GFPT1: variants seen among roughly 807,000 people sequenced by gnomAD.
GFPT1 encodes glutamine--fructose-6-phosphate transaminase 1.
A neutral mutation model predicts 92.0 loss-of-function variants in GFPT1; 40 were observed. The ratio of observed to expected loss-of-function variants is 0.43; its 90% CI spans 0.34 to 0.57. GFPT1 has a LOEUF of 0.57. GFPT1 is among the 20% of genes least tolerant of loss of function. The pLI, the probability that GFPT1 is intolerant of heterozygous loss-of-function variation, is 0.02. For missense variants in GFPT1, 448 were observed against 869.1 expected, an observed-to-expected ratio of 0.52 and a Z score of 6.09; for synonymous variants, 269 against 280.6, an observed-to-expected ratio of 0.96 and a Z score of 0.41.
chr2:69,330,420 A>G (rs1218334872), intron 15 of GFPT1, among the ~76,000 whole-genome samples: 1 of 152,160 alleles, frequency 6.6e-6, no homozygotes, highest in African/African-American at 2.4e-5. Flanking sequence ...GCCTAACCAC[A>G]TTTAGTTTTT....
At chr2:69,354,366 A>T in intron 8 of GFPT1, 54 bp from the exon 9 acceptor site, 1 of 1,447,738 alleles carries the variant, frequency 6.9e-7, no homozygotes, top group Non-Finnish European at 9.6e-7. Context: ...CACAAAAACA[A>T]ATCTTTTTCA....
chr2:69,386,988 C>G (rs1458518454), intron 1 of GFPT1, 77 bp downstream of exon 1: 2 of 1,141,416 alleles, frequency 1.8e-6, no homozygotes, highest in South Asian at 1.3e-5. Context: ...TTCCGCCCGT[C>G]GCCTTGGGCC....
rs1020932674 is a variant in GFPT1 at position 69,324,351 on chromosome 2, C to G, written c.*1838G>C. On this transcript the variant is annotated 3_prime_UTR_variant, in exon 20 of 20. Coordinates refer to ENST00000357308, the MANE Select transcript of GFPT1 (RefSeq NM_001244710.2). ...CTATAAGAAATGCTACAAACCCACACAAATTGTGTTTGTAAAACGTTAATA... is the reference window on the plus strand; with the variant it reads ...CTATAAGAAATGCTACAAACCCACAGAAATTGTGTTTGTAAAACGTTAATA... 40 of 152,074 alleles carry G rather than the reference C, an allele frequency of 2.6e-4. No homozygotes were observed. Among genetic ancestry groups the G allele is most frequent in the Non-Finnish European group, 4.4e-5 (3 of 68,024 alleles). 9.4% of individuals were successfully genotyped at this position (152,074 alleles called of 1,614,324 possible).
Position 69,323,912 on chromosome 2 carries a change from G to C in GFPT1, c.*2277C>G, listed in dbSNP as rs1218081014. The C allele has an allele frequency of 6.6e-6, 1 of 152,284 alleles. No homozygotes were observed. The highest frequency in any genetic ancestry group is 1.5e-5 in the Non-Finnish European group (1 of 68,242). The allele number at this position is 152,284 out of a possible 1,614,324, so 9.4% of individuals were successfully genotyped here. A position where few individuals can be genotyped will look rare whatever the true frequency, so the allele number is the denominator to read the frequency against. ...GATGGTCTCGATCTCTTGACCTCAT[G>C]ATCAACCTGCCTCGGCCTCCCAAAG... is the stretch of plus-strand genomic sequence containing the variant. On this transcript the variant is annotated 3_prime_UTR_variant, in exon 20 of 20. Coordinates refer to ENST00000357308, the MANE Select transcript of GFPT1 (RefSeq NM_001244710.2).
rs115361740 is a variant in GFPT1 at position 69,320,725 on chromosome 2, T to C, written c.*5464A>G. On this transcript the variant is annotated 3_prime_UTR_variant, in exon 20 of 20. Coordinates refer to ENST00000357308, the MANE Select transcript of GFPT1 (RefSeq NM_001244710.2). ...CTCGTGTGAACACGGGAGGTGGAAG[T>C]TGCAGTCAGCCAAGATTGCAGCACT... 3.7e-3 allele frequency: 559 copies of C among 151,936 alleles called. 2 individuals carry two copies. Among genetic ancestry groups the C allele is most frequent in the Middle Eastern group, 0.014 (4 of 296 alleles). 9.4% of individuals were successfully genotyped at this position (151,936 alleles called of 1,614,324 possible).
At chr2:69,362,317 G>C (rs1671494925) in intron 4 of GFPT1, among the ~76,000 whole-genome samples, 2 of 152,090 alleles carry the variant, frequency 1.3e-5, no homozygotes, top group South Asian at 2.1e-4. Context: ...TGTAGGCACA[G>C]GATTTTGCCA....
intron 13 of GFPT1, among the ~76,000 whole-genome samples, chr2:69,340,433 A>C (rs1426989550): frequency 6.6e-6 from 1 of 152,158 alleles, no homozygotes; most frequent in Non-Finnish European, 1.5e-5. Flanking sequence ...GAGAAAATTA[A>C]AATTTTGAAA....
chr2:69,343,229 A>G (rs1670995928), intron 12 of GFPT1, among the ~76,000 whole-genome samples: 1 of 152,316 alleles, frequency 6.6e-6, no homozygotes, highest in East Asian at 1.9e-4. Flanking sequence ...CAACTGGTCA[A>G]CTAAAATTCC....
intron 6 of GFPT1, among the ~76,000 whole-genome samples, chr2:69,357,781 A>G (rs991753774): frequency 1.3e-5 from 2 of 152,250 alleles, no homozygotes; most frequent in African/African-American, 2.4e-5. Context: ...GATGGAATCA[A>G]AAAGAATACT....
rs1308027695 is a variant in GFPT1, at chr2:69,374,169, A to G, written c.8-56T>C. ...TCTGATTTAAAAAATCAAAATTAGC[A>G]TAATTATGTCAAGTATGTGAAAAAA... On this transcript the variant is annotated intron_variant, in intron 1 of 19. Coordinates refer to ENST00000357308, the MANE Select transcript of GFPT1 (RefSeq NM_001244710.2). 9 of 850,582 alleles carry G rather than the reference A, an allele frequency of 1.1e-5. No homozygotes were observed. In the East Asian group the frequency reaches 1.3e-4, roughly 12 times the overall value. 52.7% of individuals were successfully genotyped at this position (850,582 alleles called of 1,614,324 possible). A position where few individuals can be genotyped will look rare whatever the true frequency, so the allele number is the denominator to read the frequency against.
intron 5 of GFPT1, 28 bp downstream of exon 5, chr2:69,359,240 T>G: frequency 1.6e-6 from 2 of 1,260,616 alleles, no homozygotes; most frequent in Non-Finnish European, 2.3e-6. Context: ...TCTCAAAGAC[T>G]GGGGTCTTTT....
intron 1 of GFPT1, among the ~76,000 whole-genome samples, chr2:69,381,922 GGC>G (rs1389254463): frequency 1.3e-5 from 2 of 150,412 alleles, no homozygotes; most frequent in African/African-American, 4.9e-5. Context: ...GGGGTACAGT[GGC>G]GTGTTCTCAG....
intron 2 of GFPT1, 126 bp downstream of exon 2, chr2:69,373,879 CA>C: frequency 1.8e-6 from 1 of 567,998 alleles, no homozygotes; most frequent in Non-Finnish European, 3.2e-6. Context: ...TGATAAAAGA[CA>C]AAAATTCTTC....
At chr2:69,384,693 C>CAAAAAAAAAAAAAAAAAAAAAAAAA (rs71964630) in intron 1 of GFPT1, among the ~76,000 whole-genome samples, 3 of 106,620 alleles carry the variant, frequency 2.8e-5, no homozygotes, top group Non-Finnish European at 5.7e-5. Context: ...GGCCCCGTCA[C>CAAAAAAAAAAAAAAAAAAAAAAAAA]AAAAAAAAAA....
chr2:69,361,246 G>A (rs1362591619), intron 4 of GFPT1, among the ~76,000 whole-genome samples: 1 of 151,760 alleles, frequency 6.6e-6, no homozygotes, highest in Non-Finnish European at 1.5e-5. Context: ...TCAGGAGTTC[G>A]AGACCAGCCT....
chr2:69,358,910 G>A (rs923266544), intron 5 of GFPT1, among the ~76,000 whole-genome samples: 2 of 152,036 alleles, frequency 1.3e-5, no homozygotes, highest in Admixed American at 1.3e-4. Context: ...AGCTATTTAC[G>A]ACATAAAACT....
rs751130991 is a variant in GFPT1, at chr2:69,338,580, T to C, written c.1204-15A>G. Reference sequence around the variant, plus strand: ...ACTTGACGTGTCTGCAGAGAAAATATGACTTGGTCACAGAACTTTCCTTCA... The same window carrying C: ...ACTTGACGTGTCTGCAGAGAAAATACGACTTGGTCACAGAACTTTCCTTCA... On this transcript the variant is annotated splice_polypyrimidine_tract_variant and intron_variant, in intron 13 of 19. Coordinates refer to ENST00000357308, the MANE Select transcript of GFPT1 (RefSeq NM_001244710.2). 6 of 1,613,778 alleles carry C rather than the reference T, an allele frequency of 3.7e-6. No homozygotes were observed. The East Asian group carries it at 6.7e-5, about 18-fold the overall frequency.
intron 7 of GFPT1, 152 bp downstream of exon 7, chr2:69,356,344 A>C (rs1671337282): frequency 2.8e-6 from 2 of 705,834 alleles, no homozygotes; most frequent in Middle Eastern, 3.4e-4. Context: ...GGTAAGCAAC[A>C]GACAAGAAGG....
intron 13 of GFPT1, among the ~76,000 whole-genome samples, chr2:69,339,456 A>G (rs571472713): frequency 6.6e-6 from 1 of 152,324 alleles, no homozygotes; most frequent in East Asian, 1.9e-4. Flanking sequence ...CCTTCATTTC[A>G]GTAAATTTCC....
Sources: gnomAD v4.1 joint callset for allele counts (sites outside exome capture counted in the v4.1 genomes callset) on GRCh38, gnomAD v4.1.1 for gene constraint, MANE v1.5 for transcripts, NCBI Gene and HGNC (gene_info 2026-07-23, HGNC 2026-07-21) for gene names.